PRELID2: variants seen among roughly 807,000 people sequenced by gnomAD.
The protein encoded by PRELID2 is PRELI domain containing 2.
Under a neutral mutation model 28.4 loss-of-function variants are expected in PRELID2, and 25 were observed. The ratio of observed to expected loss-of-function variants is 0.88; its 90% CI spans 0.64 to 1.23. The LOEUF (loss-of-function observed/expected upper bound fraction) is 1.23. Ranked by LOEUF, PRELID2 falls within the 50% of genes most tolerant of loss-of-function variation. The pLI, the probability that PRELID2 is intolerant of heterozygous loss-of-function variation, is 0.00. For missense variants in PRELID2, 201 were observed against 214.4 expected (o/e 0.94, Z 0.39); for synonymous variants, 76 against 71.6 (o/e 1.06, Z -0.31).
chr5:145,291,335 C>CACAAAAAAAAAAAAAAAAAAAAAAAAA, the PRELID2 span, among the ~76,000 whole-genome samples: 16 of 57,474 alleles, frequency 2.8e-4, 2 homozygotes, highest in African/African-American at 1.5e-3. Context: ...GACTCTGTTT[C>CACAAAAAAAAAAAAAAAAAAAAAAAAA]AGAAAAAAAA....
chr5:145,768,548 A>G (rs1757914439), intron 5 of PRELID2, among the ~76,000 whole-genome samples: 1 of 152,066 alleles, frequency 6.6e-6, no homozygotes, highest in South Asian at 2.1e-4. Flanking sequence ...TCTTCTTTCT[A>G]TTTTCAGGAA....
At chr5:145,488,986 G>A (rs1031936225) in intron 1 of PRELID2, among the ~76,000 whole-genome samples, 1 of 152,008 alleles carries the variant, frequency 6.6e-6, no homozygotes, top group Non-Finnish European at 1.5e-5. Flanking sequence ...ACCCAGGGGC[G>A]ACTAGTTTGA....
intron 1 of PRELID2, among the ~76,000 whole-genome samples, chr5:145,605,001 C>T (rs1280673201): frequency 2.7e-5 from 4 of 146,918 alleles, no homozygotes; most frequent in African/African-American, 7.5e-5. Context: ...GGTCCTTTGC[C>T]CACTTTTTAA....
chr5:145,530,016 A>G (rs1424389705), intron 1 of PRELID2, among the ~76,000 whole-genome samples: 1 of 152,142 alleles, frequency 6.6e-6, no homozygotes, highest in Non-Finnish European at 1.5e-5. Flanking sequence ...CATTTGCACT[A>G]GAATATTGCT....
At chr5:145,307,699 G>A in the PRELID2 span, among the ~76,000 whole-genome samples, 1 of 152,088 alleles carries the variant, frequency 6.6e-6, no homozygotes, top group African/African-American at 2.4e-5. Context: ...GTGGGCAGGA[G>A]AGAGATGATC....
At chr5:145,258,439 A>G in the PRELID2 span, among the ~76,000 whole-genome samples, 3 of 152,306 alleles carry the variant, frequency 2.0e-5, no homozygotes, top group South Asian at 4.1e-4. Flanking sequence ...CAGAGGAGGT[A>G]TCACACGGAA....
chr5:145,799,816 C>G (rs1395631215), intron 4 of PRELID2, among the ~76,000 whole-genome samples: 7 of 152,112 alleles, frequency 4.6e-5, no homozygotes, highest in Non-Finnish European at 5.9e-5. Context: ...CTGAGGACAC[C>G]AAGTACTCGG....
the PRELID2 span, among the ~76,000 whole-genome samples, chr5:145,415,591 C>A: frequency 6.6e-6 from 1 of 150,754 alleles, no homozygotes; most frequent in South Asian, 2.1e-4. Context: ...TCATCCATGT[C>A]CCTACAAAGG....
the PRELID2 span, among the ~76,000 whole-genome samples, chr5:145,414,461 T>C: frequency 6.6e-6 from 1 of 152,230 alleles, no homozygotes; most frequent in Non-Finnish European, 1.5e-5. Context: ...AGTTACCCTC[T>C]TTACTTATTT....
At chr5:145,360,250 C>T in the PRELID2 span, among the ~76,000 whole-genome samples, 2 of 152,210 alleles carry the variant, frequency 1.3e-5, no homozygotes, top group African/African-American at 4.8e-5. Flanking sequence ...GGCACCACCA[C>T]GTGGGCATCC....
At chr5:145,743,607 C>CG (rs1159662680) in intron 1 of PRELID2, among the ~76,000 whole-genome samples, 4 of 151,266 alleles carry the variant, frequency 2.6e-5, no homozygotes, top group Admixed American at 2.0e-4. Flanking sequence ...ATCCCCACCC[C>CG]CCAGCCAAGG....
At chr5:145,653,531 G>A (rs1429372498) in intron 1 of PRELID2, among the ~76,000 whole-genome samples, 2 of 152,192 alleles carry the variant, frequency 1.3e-5, no homozygotes, top group African/African-American at 4.8e-5. Context: ...TAAAAGAAGA[G>A]AAATTATAAC....
At chr5:145,455,251 A>G in the PRELID2 span, among the ~76,000 whole-genome samples, 1 of 152,168 alleles carries the variant, frequency 6.6e-6, no homozygotes, top group East Asian at 1.9e-4. Context: ...TTTGTCAAAG[A>G]TCAGATGGTT....
At chr5:145,375,515 C>T in the PRELID2 span, among the ~76,000 whole-genome samples, 1 of 152,064 alleles carries the variant, frequency 6.6e-6, no homozygotes, top group Non-Finnish European at 1.5e-5. Context: ...AGAGGGTGTG[C>T]TTTGCTGGGG....
chr5:145,320,416 G>A, the PRELID2 span, among the ~76,000 whole-genome samples: 4 of 151,506 alleles, frequency 2.6e-5, no homozygotes, highest in African/African-American at 4.8e-5. Flanking sequence ...GACTACAGGC[G>A]CCCGCCACTA....
chr5:145,582,560 C>A (rs1303943859), intron 1 of PRELID2, among the ~76,000 whole-genome samples: 2 of 151,978 alleles, frequency 1.3e-5, no homozygotes, highest in Non-Finnish European at 2.9e-5. Flanking sequence ...AGCACTGTCT[C>A]AGAGTCTGTT....
chr5:145,454,244 A>C, the PRELID2 span, among the ~76,000 whole-genome samples: 314 of 152,298 alleles, frequency 2.1e-3, 6 homozygotes, highest in East Asian at 0.046. Flanking sequence ...TCAAGCTAAA[A>C]ATTCTCAATA....
At chr5:145,259,432 G>A in the PRELID2 span, among the ~76,000 whole-genome samples, 1 of 152,174 alleles carries the variant, frequency 6.6e-6, no homozygotes, top group African/African-American at 2.4e-5. Context: ...AAAGCCATAG[G>A]GGCAGAGCTG....
the PRELID2 span, among the ~76,000 whole-genome samples, chr5:145,254,654 G>C: frequency 3.3e-5 from 5 of 152,022 alleles, no homozygotes; most frequent in African/African-American, 7.2e-5. Context: ...GAAGATTCAG[G>C]AGAGCTAAAC....
Sources: gnomAD v4.1 joint callset for allele counts (sites outside exome capture counted in the v4.1 genomes callset) on GRCh38, gnomAD v4.1.1 for gene constraint, MANE v1.5 for transcripts, NCBI Gene and HGNC (gene_info 2026-07-23, HGNC 2026-07-21) for gene names.